The following SEPTIN8 variants were observed in gnomAD, a reference collection of about 807,000 sequenced individuals.
SEPTIN8 encodes septin-8.
Under a neutral mutation model 53.1 loss-of-function variants are expected in SEPTIN8, and 22 were observed. The observed-to-expected ratio is 0.41, with a 90% confidence interval of 0.30 to 0.59. The LOEUF is 0.59. Ranked by LOEUF, SEPTIN8 falls within the 20% of genes least tolerant of loss-of-function variation. The pLI is 0.24. For missense variants in SEPTIN8, 536 were observed against 638.7 expected (o/e 0.84, Z 1.73); for synonymous variants, 228 against 248.4 (o/e 0.92, Z 0.77).
At chr5:132,755,554 A>G (rs967153797) in intron 9 of SEPTIN8, among the ~76,000 whole-genome samples, 1 of 152,212 alleles carries the variant, frequency 6.6e-6, no homozygotes, top group Non-Finnish European at 1.5e-5. Flanking sequence ...CTTCAGCTAT[A>G]AAATGGGGAT....
At chr5:132,772,878 G>A (rs1757450649) in intron 1 of SEPTIN8, among the ~76,000 whole-genome samples, 1 of 152,128 alleles carries the variant, frequency 6.6e-6, no homozygotes, top group African/African-American at 2.4e-5. Context: ...CCAAGCCCTG[G>A]AGCCCCCTCA....
chr5:132,754,330 C>A, intron 9 of SEPTIN8: 1 of 701,522 alleles, frequency 1.4e-6, no homozygotes, highest in Non-Finnish European at 2.7e-6. Flanking sequence ...CCAGTGGTGG[C>A]CGTTGAGTGC....
At chr5:132,766,801 C>T (rs1174635156) in intron 1 of SEPTIN8, among the ~76,000 whole-genome samples, 1 of 152,104 alleles carries the variant, frequency 6.6e-6, no homozygotes, top group Non-Finnish European at 1.5e-5. Flanking sequence ...GACTCCTGCC[C>T]CACAGAAGCA....
intron 9 of SEPTIN8, 91 bp from the exon 10 acceptor site, chr5:132,752,272 A>C (rs1581123005): frequency 7.0e-7 from 1 of 1,434,172 alleles, no homozygotes. Flanking sequence ...CCAAAGGGGT[A>C]CCCTTTGCCC....
chr5:132,756,683 G>A, intron 9 of SEPTIN8: 1 of 985,508 alleles, frequency 1.0e-6, no homozygotes, highest in Non-Finnish European at 1.2e-6. Context: ...GACCTGTGGA[G>A]GCAGCTCAGA....
rs751149069 is a variant in SEPTIN8 at position 132,762,569 on chromosome 5, A to G, written c.611T>C (p.Met204Thr). The change falls in exon 5 of 10, where the codon ATG becomes ACG. Residue 204 changes from methionine to threonine, a missense_variant. Around this residue, in one of 3 missense-constraint regions of SEPTIN8, gnomAD observed 395 missense variants for 451.8 expected, o/e 0.87. Transcript: ENST00000378719. ...GACCCCGTTGCTGACCAACTCGCCC[A>G]TGATCTTGATCTTGAACTTGTGGAG... ...SELHKFKIKI[M>T]GELVSNGVQI... 1.5e-5 allele frequency: 24 copies of G among 1,614,114 alleles called. No individual in the cohort carries two copies. Among genetic ancestry groups the G allele is most frequent in the Non-Finnish European group, 1.9e-5 (22 of 1,180,028 alleles).
chr5:132,755,894 C>T, intron 9 of SEPTIN8: 12 of 894,504 alleles, frequency 1.3e-5, no homozygotes, highest in African/African-American at 1.9e-5. Context: ...TCAACCTCCA[C>T]AAAATTCAAA....
At chr5:132,770,730 T>C (rs1757241844) in intron 1 of SEPTIN8, among the ~76,000 whole-genome samples, 1 of 152,150 alleles carries the variant, frequency 6.6e-6, no homozygotes, top group Non-Finnish European at 1.5e-5. Flanking sequence ...ACAACTTAAC[T>C]TGGACCCCAG....
At chr5:132,755,866 A>C in intron 9 of SEPTIN8, 1 of 688,558 alleles carries the variant, frequency 1.5e-6, no homozygotes, top group Non-Finnish European at 1.8e-6. Context: ...CTATTAAAAC[A>C]ATTCCTACAG....
At chr5:132,753,089 C>T in intron 9 of SEPTIN8, 1 of 804,956 alleles carries the variant, frequency 1.2e-6, no homozygotes, top group Non-Finnish European at 2.0e-6. Flanking sequence ...TCTGGAAGAG[C>T]AACTGAGAAA....
chr5:132,767,968 C>CACACAG (rs1479803831), intron 1 of SEPTIN8, among the ~76,000 whole-genome samples: 1 of 151,252 alleles, frequency 6.6e-6, no homozygotes, highest in Admixed American at 6.6e-5. Flanking sequence ...CACACACACA[C>CACACAG]ACACACACAC....
At chr5:132,759,100 A>G in intron 9 of SEPTIN8, 1 of 587,152 alleles carries the variant, frequency 1.7e-6, no homozygotes, top group South Asian at 1.6e-5. Flanking sequence ...GTCATGAAAA[A>G]CACCCCTGCC....
At chr5:132,771,449 A>C (rs1458007541) in intron 1 of SEPTIN8, among the ~76,000 whole-genome samples, 1 of 152,132 alleles carries the variant, frequency 6.6e-6, no homozygotes, top group Non-Finnish European at 1.5e-5. Context: ...AGAGTTCTCC[A>C]GTGCCTTGGA....
At chr5:132,770,020 TATAC>T (rs1226700501) in intron 1 of SEPTIN8, among the ~76,000 whole-genome samples, 4,815 of 33,892 alleles carry the variant, frequency 0.14, 125 homozygotes, top group South Asian at 0.22. Context: ...TATATATATA[TATAC>T]ACACACATAT....
At position 132,760,750 on chromosome 5, in the gene SEPTIN8, C is replaced by G; in HGVS notation, c.1286+52G>C. Reference sequence around the variant, plus strand: ...GGGAGGTGAGGGACAAGAACGAAAGCAAGAGCCCACAGGAGCAAGAGGAGC... The same window carrying G: ...GGGAGGTGAGGGACAAGAACGAAAGGAAGAGCCCACAGGAGCAAGAGGAGC... On this transcript the variant is annotated intron_variant, in intron 9 of 9. Transcript: ENST00000378719. The surrounding 1 kb of genome is among the most constrained non-coding windows in gnomAD (Gnocchi z 5.2). The G allele has an allele frequency of 6.5e-7, 1 of 1,545,686 alleles. No homozygotes were observed. The highest frequency in any genetic ancestry group is 8.8e-7 in the Non-Finnish European group (1 of 1,135,454).
chr5:132,756,863 A>G, intron 9 of SEPTIN8: 3 of 985,432 alleles, frequency 3.0e-6, no homozygotes, highest in Non-Finnish European at 3.6e-6. Flanking sequence ...CCCATGAACC[A>G]GGAATTCTCA....
At chr5:132,763,552 C>T (rs1036851135) in intron 4 of SEPTIN8, among the ~76,000 whole-genome samples, 154 bp downstream of exon 4, 6 of 152,236 alleles carry the variant, frequency 3.9e-5, no homozygotes, top group East Asian at 3.9e-4. Context: ...GAGGAACAGA[C>T]GCAAGACAGA....
chr5:132,751,002 G>C lies in SEPTIN8; in HGVS notation c.*1014C>G, dbSNP rs769935355. ...CCGCTGGACTTCTTGACTATAGTGA[G>C]TAAGGAGGTGTTTACAGAGTCTACC... On this transcript the variant is annotated 3_prime_UTR_variant, in exon 10 of 10. Coordinates refer to ENST00000378719, the MANE Select transcript of SEPTIN8 (RefSeq NM_001098811.2). 8.7e-6 allele frequency: 14 copies of C among 1,612,146 alleles called. No homozygotes were observed. In the South Asian group the frequency reaches 1.5e-4, roughly 18 times the overall value.
In SEPTIN8 at chr5:132,751,664, G is replaced by T; in HGVS notation, c.*352C>A. 4.4e-6 allele frequency: 2 copies of T among 455,332 alleles called. No individual in the cohort carries two copies. The highest frequency in any genetic ancestry group is 4.0e-5 in the African/African-American group (2 of 49,738). The allele number at this position is 455,332 out of a possible 1,614,324, so 28.2% of individuals were successfully genotyped here. On this transcript the variant is annotated 3_prime_UTR_variant, in exon 10 of 10. Transcript: ENST00000378719. ...ATACAAGTAACTTTTCTGCTACCTT[G>T]GTCTTGAATAGTATGTTTCTATTTT...
Sources: allele counts gnomAD v4.1 joint callset (sites outside exome capture counted in the v4.1 genomes callset), GRCh38; gene constraint gnomAD v4.1.1; regional missense constraint gnomAD v4.1.1; non-coding constraint Gnocchi (gnomAD v3.1); transcripts MANE v1.5; gene names NCBI Gene and HGNC (gene_info 2026-07-23, HGNC 2026-07-21).